The following SLIT3 variants were observed in gnomAD, a reference collection of about 807,000 sequenced individuals.
SLIT3 encodes slit homolog 3 protein.
SLIT3 carries 68 observed loss-of-function variants against 184.0 expected under a neutral mutation model. That is an observed-to-expected ratio of 0.37 (90% CI 0.30 to 0.45). The LOEUF is 0.45. Among genes scored for constraint, SLIT3 ranks in the 20% least tolerant of loss-of-function variants. SLIT3 has a pLI of 1.00. For synonymous variants in SLIT3, 831 were observed against 828.6 expected (o/e 1.00, Z -0.05); for missense variants, 1,707 against 2,026.0 (o/e 0.84, Z 3.02).
At chr5:168,996,707 T>C (rs1755521598) in intron 4 of SLIT3, among the ~76,000 whole-genome samples, 1 of 152,228 alleles carries the variant, frequency 6.6e-6, no homozygotes, top group Non-Finnish European at 1.5e-5. Context: ...CATGTCCCTC[T>C]GGGCTGGCCA....
intron 4 of SLIT3, among the ~76,000 whole-genome samples, chr5:169,175,538 G>C (rs189826425): frequency 6.6e-6 from 1 of 152,170 alleles, no homozygotes; most frequent in Non-Finnish European, 1.5e-5. Flanking sequence ...AGGAGATTCT[G>C]AAGATTATGG....
intron 5 of SLIT3, among the ~76,000 whole-genome samples, chr5:168,849,950 G>A (rs1758611362): frequency 6.6e-6 from 1 of 152,004 alleles, no homozygotes; most frequent in Non-Finnish European, 1.5e-5. Context: ...GCAGAGAATA[G>A]GAAATCTAGA....
chr5:168,743,137 C>T (rs533392336), intron 20 of SLIT3, among the ~76,000 whole-genome samples: 1 of 152,304 alleles, frequency 6.6e-6, no homozygotes, highest in East Asian at 1.9e-4. Flanking sequence ...AAGGGCAGAT[C>T]AAAGCAACTC....
At position 168,696,511 on chromosome 5, in the gene SLIT3, C is replaced by T. The variant is rs903439037; in HGVS notation, c.2943-80G>A. ...GGTTGGGATGGCAGAGAGGAAGACA[C>T]GGGTGGGAAATACAATTAGTTTTTC... On this transcript the variant is annotated intron_variant, in intron 27 of 35. Coordinates refer to ENST00000519560, the MANE Select transcript of SLIT3 (RefSeq NM_003062.4). 19 of 1,529,408 alleles carry T rather than the reference C, an allele frequency of 1.2e-5. No homozygotes were observed. The South Asian group carries it at 1.6e-4, about 13-fold the overall frequency. 94.7% of individuals were successfully genotyped at this position (1,529,408 alleles called of 1,614,324 possible). A position where few individuals can be genotyped will look rare whatever the true frequency, so the allele number is the denominator to read the frequency against.
chr5:168,886,275 G>A (rs1302293641), intron 4 of SLIT3, among the ~76,000 whole-genome samples: 2 of 152,174 alleles, frequency 1.3e-5, no homozygotes, highest in East Asian at 1.9e-4. Flanking sequence ...CAAACTGACA[G>A]CTTCAATGGT....
chr5:168,848,157 C>A (rs1355136411), intron 5 of SLIT3, among the ~76,000 whole-genome samples: 9 of 152,220 alleles, frequency 5.9e-5, no homozygotes. Context: ...CAGATGGTCA[C>A]CAATGGTTGC....
chr5:169,270,343 C>T (rs1325707756), intron 1 of SLIT3, among the ~76,000 whole-genome samples: 1 of 152,140 alleles, frequency 6.6e-6, no homozygotes, highest in Non-Finnish European at 1.5e-5. Flanking sequence ...CAAACTACAG[C>T]CCACAGGCCC....
At chr5:168,716,717 T>C (rs1471889705) in intron 23 of SLIT3, among the ~76,000 whole-genome samples, 1 of 151,758 alleles carries the variant, frequency 6.6e-6, no homozygotes, top group Non-Finnish European at 1.5e-5. Context: ...TTCATCCCAC[T>C]CCTCAATTCC....
At chr5:168,798,241 A>AG (rs1756644871) in intron 9 of SLIT3, among the ~76,000 whole-genome samples, 1 of 36,510 alleles carries the variant, frequency 2.7e-5, no homozygotes, top group Non-Finnish European at 5.0e-5. Context: ...TTTTTTTTTA[A>AG]GAGACAGAGT....
At chr5:169,221,902 G>C (rs1764629741) in intron 3 of SLIT3, among the ~76,000 whole-genome samples, 1 of 152,138 alleles carries the variant, frequency 6.6e-6, no homozygotes. Context: ...AAATACATAG[G>C]ATGTACAGAG....
Position 169,111,834 on chromosome 5 carries a change from C to T in SLIT3, c.413+81645G>A, listed in dbSNP as rs376072367. On this transcript the variant is annotated intron_variant, in intron 4 of 35. Coordinates refer to ENST00000519560, the MANE Select transcript of SLIT3 (RefSeq NM_003062.4). The stretch of plus-strand genomic sequence containing the variant: ...ATGTGACCAGTGTGTACTGCAGTTT[C>T]GGACTCTGGGTCTAGGGGACGGTGA... Among the ~76,000 whole-genome samples, 22 of 152,314 alleles carry T rather than the reference C, an allele frequency of 1.4e-4. No homozygotes were observed. In the South Asian group the frequency reaches 2.9e-3, roughly 20 times the overall value.
intron 6 of SLIT3, among the ~76,000 whole-genome samples, chr5:168,835,825 A>AAATTTGTT (rs1758034647): frequency 6.7e-6 from 1 of 150,006 alleles, no homozygotes; most frequent in African/African-American, 2.5e-5. Flanking sequence ...AAAAAAAAAA[A>AAATTTGTT]TTTGTTTTTG....
chr5:168,902,272 GCA>G (rs1244616930), intron 4 of SLIT3, among the ~76,000 whole-genome samples: 1 of 152,166 alleles, frequency 6.6e-6, no homozygotes, highest in Non-Finnish European at 1.5e-5. Flanking sequence ...CGTATGCCAG[GCA>G]CAGTGTCAGG....
At chr5:169,218,005 A>G (rs59308124) in intron 3 of SLIT3, among the ~76,000 whole-genome samples, 21,868 of 152,176 alleles carry the variant, frequency 0.14, 1,924 homozygotes, top group East Asian at 0.44. Context: ...CCCAAACTTG[A>G]AATTTAATTC....
intron 1 of SLIT3, among the ~76,000 whole-genome samples, chr5:169,284,004 G>A (rs1447061480): frequency 2.0e-5 from 3 of 152,128 alleles, no homozygotes; most frequent in African/African-American, 7.2e-5. Flanking sequence ...GTGAACCCCC[G>A]TGACCTGGCT....
At chr5:168,949,608 G>T (rs1037297126) in intron 4 of SLIT3, among the ~76,000 whole-genome samples, 16 of 151,968 alleles carry the variant, frequency 1.1e-4, no homozygotes, top group African/African-American at 3.4e-4. Flanking sequence ...TTTTTGTCTT[G>T]TTTTTTTTGA....
intron 3 of SLIT3, among the ~76,000 whole-genome samples, chr5:169,205,837 C>T (rs1037024407): frequency 6.6e-6 from 1 of 152,254 alleles, no homozygotes; most frequent in South Asian, 2.1e-4. Context: ...GTCACAATCA[C>T]AGTAGCACAA....
chr5:169,003,000 G>GT (rs1755774448), intron 4 of SLIT3, among the ~76,000 whole-genome samples: 1 of 152,192 alleles, frequency 6.6e-6, no homozygotes, highest in Admixed American at 6.5e-5. Context: ...CAAACTACCA[G>GT]TGGGGCACTT....
At chr5:168,871,804 T>C (rs1442977143) in intron 5 of SLIT3, among the ~76,000 whole-genome samples, 2 of 152,202 alleles carry the variant, frequency 1.3e-5, no homozygotes, top group African/African-American at 2.4e-5. Context: ...TATTTCCACT[T>C]AACATATGGG....
Sources: allele counts gnomAD v4.1 joint callset (sites outside exome capture counted in the v4.1 genomes callset), GRCh38; gene constraint gnomAD v4.1.1; transcripts MANE v1.5; gene names NCBI Gene and HGNC (gene_info 2026-07-23, HGNC 2026-07-21).